The following GBP5 variants were observed in gnomAD, a reference collection of about 807,000 sequenced individuals.
The protein encoded by GBP5 is guanylate binding protein 5, also known as guanylate-binding protein 5.
In GBP5, 48 loss-of-function variants were observed where a neutral mutation model predicts 58.2. That is an observed-to-expected ratio of 0.83 (90% CI 0.65 to 1.05). The LOEUF (loss-of-function observed/expected upper bound fraction) is 1.05. GBP5 is among the 50% of genes least tolerant of loss of function. The pLI is 0.00. For missense variants in GBP5, 714 were observed against 686.8 expected, an observed-to-expected ratio of 1.04 and a Z score of -0.44; for synonymous variants, 248 against 251.8, an observed-to-expected ratio of 0.98 and a Z score of 0.14.
At chr1:89,268,638 G>GAAAATTTA in intron 4 of GBP5, 91 bp downstream of exon 4, 2 of 1,354,710 alleles carry the variant, frequency 1.5e-6, no homozygotes, top group Non-Finnish European at 1.1e-6. Context: ...TTGGTCAAGT[G>GAAAATTTA]GAACTACAAA....
chr1:89,270,026 AACTGCATT>A (rs1467645186), intron 2 of GBP5: 13 of 152,404 alleles, frequency 8.5e-5, no homozygotes, highest in African/African-American at 3.1e-4. Context: ...TGTCCAGTCA[AACTGCATT>A]ACATTAAATA....
At position 89,267,109 on chromosome 1, in the gene GBP5, G is replaced by C. The variant is rs1208216779; in HGVS notation, c.473C>G (p.Pro158Arg). 6.2e-7 allele frequency: 1 copy of C among 1,608,236 alleles called. No individual in the cohort carries two copies. The highest frequency in any genetic ancestry group is 8.5e-7 in the Non-Finnish European group (1 of 1,178,636). The change falls in exon 6 of 12, where the codon CCC becomes CGC. Residue 158 changes from proline to arginine, a missense_variant. Pro to Arg is a moderately radical substitution (Grantham distance 103). Transcript: ENST00000370459. ...LTDLLKARNSPDLDRVEDPAD... is the reference protein window; with the variant it reads ...LTDLLKARNSRDLDRVEDPAD... ...AGGATCTTCAACCCTGTCAAGGTCG[G>C]GTGAGTTTCTTGCCTTGAGCAGATC...
At chr1:89,271,840 G>A (rs1466383588) in intron 1 of GBP5, 2 of 152,188 alleles carry the variant, frequency 1.3e-5, no homozygotes, top group African/African-American at 4.8e-5. Flanking sequence ...CAATAGAGTA[G>A]TAGAAGCAGA....
At chr1:89,262,187 A>T (rs76346754) in intron 11 of GBP5, 33 bp downstream of exon 11, 275,409 of 1,601,258 alleles carry the variant, frequency 0.17, 24,988 homozygotes, top group East Asian at 0.23. Context: ...TCATCGTTAC[A>T]GGCAGGGGAG....
At chr1:89,266,865 A>G (rs1650241023) in intron 6 of GBP5, 92 bp downstream of exon 6, 1 of 830,232 alleles carries the variant, frequency 1.2e-6, no homozygotes, top group African/African-American at 1.8e-5. Flanking sequence ...ATATATATAT[A>G]TAGAAAACCA....
Position 89,260,671 on chromosome 1 carries a change from G to T in GBP5, c.*33C>A. The T allele has an allele frequency of 1.6e-6, 2 of 1,278,256 alleles. No homozygotes were observed. The highest frequency in any genetic ancestry group is 1.1e-6 in the Non-Finnish European group (1 of 876,724). 79.2% of individuals were successfully genotyped at this position (1,278,256 alleles called of 1,614,324 possible). A position where few individuals can be genotyped will look rare whatever the true frequency, so the allele number is the denominator to read the frequency against. On this transcript the variant is annotated 3_prime_UTR_variant, in exon 12 of 12. Transcript: ENST00000370459. ...TTTCTGTTGTGTCATCAGTGACAAA[G>T]AGTAAAAAAAGGAAACTCCCATATT...
chr1:89,259,180 C>T lies in GBP5; in HGVS notation c.*1524G>A, dbSNP rs1649897253. ...TTTATAAGATCTAAAGGATTATAAA[C>T]ATATTACACATAATAATTAAGTCCA... On this transcript the variant is annotated 3_prime_UTR_variant, in exon 12 of 12. Coordinates refer to ENST00000370459, the MANE Select transcript of GBP5 (RefSeq NM_052942.5). 2 of 152,186 alleles carry T rather than the reference C, an allele frequency of 1.3e-5. No individual in the cohort carries two copies. The highest frequency in any genetic ancestry group is 2.9e-5 in the Non-Finnish European group (2 of 68,006). 9.4% of individuals were successfully genotyped at this position (152,186 alleles called of 1,614,324 possible). A position where few individuals can be genotyped will look rare whatever the true frequency, so the allele number is the denominator to read the frequency against.
chr1:89,271,719 G>A (rs182873673), intron 1 of GBP5: 1 of 152,306 alleles, frequency 6.6e-6, no homozygotes, highest in Admixed American at 6.5e-5. Flanking sequence ...TGAAGTATGT[G>A]TCATGGTAAG....
chr1:89,259,212 A>T lies in GBP5; in HGVS notation c.*1492T>A, dbSNP rs1649898306. 1 of 152,194 alleles carries T rather than the reference A, an allele frequency of 6.6e-6. No individual in the cohort carries two copies. Among genetic ancestry groups the T allele is most frequent in the Admixed American group, 6.5e-5 (1 of 15,284 alleles). 9.4% of individuals were successfully genotyped at this position (152,194 alleles called of 1,614,324 possible). ...CACATAATAATTAAGTCCAATATAA[A>T]TTGTGTTCAGGTTATAAAATGCCCT... On this transcript the variant is annotated 3_prime_UTR_variant, in exon 12 of 12. Coordinates refer to ENST00000370459, the MANE Select transcript of GBP5 (RefSeq NM_052942.5).
chr1:89,260,938 T>A, intron 11 of GBP5, 121 bp from the exon 12 acceptor site: 1 of 663,746 alleles, frequency 1.5e-6, no homozygotes, highest in East Asian at 2.7e-5. Flanking sequence ...CTCTCTTCCA[T>A]TCACGTGCAT....
Position 89,260,445 on chromosome 1 carries a change from C to A in GBP5, c.*259G>T. 1 of 306,670 alleles carries A rather than the reference C, an allele frequency of 3.3e-6. No homozygotes were observed. Among genetic ancestry groups the A allele is most frequent in the Non-Finnish European group, 6.1e-6 (1 of 163,364 alleles). The allele number at this position is 306,670 out of a possible 1,614,324, so 19.0% of individuals were successfully genotyped here. The stretch of plus-strand genomic sequence containing the variant: ...CTGATGAAACCATCCCAATATCACG[C>A]ATAAATGAAGGCAGTGATACAATGT... On this transcript the variant is annotated 3_prime_UTR_variant, in exon 12 of 12. Transcript: ENST00000370459.
At chr1:89,269,327 G>C in intron 3 of GBP5, 39 bp downstream of exon 3, 1 of 1,594,950 alleles carries the variant, frequency 6.3e-7, no homozygotes, top group Non-Finnish European at 8.6e-7. Context: ...TGTGTGAATG[G>C]ACAGAAGGGT....
In GBP5 at chr1:89,258,396, A is replaced by G. The variant is rs545582582; in HGVS notation, c.*2308T>C. Among the ~76,000 whole-genome samples the G allele has an allele frequency of 1.5e-3, 231 of 152,326 alleles. No individual in the cohort carries two copies. Among genetic ancestry groups the G allele is most frequent in the African/African-American group, 5.2e-3 (217 of 41,582 alleles). ...GGAGATAGAGCTATTCTTTTTACTGATAACATTTCCTTGGATGATAAAATG... is the reference window on the plus strand; with the variant it reads ...GGAGATAGAGCTATTCTTTTTACTGGTAACATTTCCTTGGATGATAAAATG... On this transcript the variant is annotated 3_prime_UTR_variant, in exon 12 of 12. Transcript: ENST00000370459.
intron 2 of GBP5, chr1:89,270,053 T>G (rs2100599800): frequency 6.6e-6 from 1 of 152,400 alleles, no homozygotes; most frequent in East Asian, 1.9e-4. Flanking sequence ...TACTACCAAG[T>G]CATTATGCAG....
intron 2 of GBP5, 194 bp downstream of exon 2, chr1:89,270,561 C>T (rs979736550): frequency 1.3e-5 from 2 of 152,130 alleles, no homozygotes; most frequent in Non-Finnish European, 2.9e-5. Context: ...ATTATGTTGA[C>T]ATAAATTAAA....
Position 89,266,308 on chromosome 1 carries a change from A to C in GBP5, c.868+38T>G, listed in dbSNP as rs1467326331. 3 of 1,567,976 alleles carry C rather than the reference A, an allele frequency of 1.9e-6. No individual in the cohort carries two copies. The Admixed American group carries it at 5.1e-5, about 27-fold the overall frequency. Reference sequence around the variant, plus strand: ...TTATAAAAAGTGTCCCTTATAGTTTACATTAAATTGAAGGAAAATCCTAAA... The same window carrying C: ...TTATAAAAAGTGTCCCTTATAGTTTCCATTAAATTGAAGGAAAATCCTAAA... On this transcript the variant is annotated intron_variant, in intron 7 of 11. Coordinates refer to ENST00000370459, the MANE Select transcript of GBP5 (RefSeq NM_052942.5).
At position 89,258,181 on chromosome 1, in the gene GBP5, C is replaced by G. The variant is rs971797895; in HGVS notation, c.*2523G>C. Among the ~76,000 whole-genome samples, 2 of 152,136 alleles carry G rather than the reference C, an allele frequency of 1.3e-5. No homozygotes were observed. Among genetic ancestry groups the G allele is most frequent in the African/African-American group, 4.8e-5 (2 of 41,418 alleles). ...ATCTGTGGATCACTAATGAAAGCAG[C>G]ATGCCTCTCTGGTTTTTGGTGGGGG... On this transcript the variant is annotated 3_prime_UTR_variant, in exon 12 of 12. Transcript: ENST00000370459.
rs369337718 is a variant in GBP5 at position 89,261,400 on chromosome 1, T to C, written c.1648-583A>G. ...GGCAAGCCAAGGGGAAGAATTAGGATGTCATTTGTCTCATTAGGGTGCTGA... is the reference window on the plus strand; with the variant it reads ...GGCAAGCCAAGGGGAAGAATTAGGACGTCATTTGTCTCATTAGGGTGCTGA... On this transcript the variant is annotated intron_variant, in intron 11 of 11. Coordinates refer to ENST00000370459, the MANE Select transcript of GBP5 (RefSeq NM_052942.5). Among the ~76,000 whole-genome samples, 200 of 152,332 alleles carry C rather than the reference T, an allele frequency of 1.3e-3. 1 individual carries two copies. Among genetic ancestry groups the C allele is most frequent in the African/African-American group, 4.7e-3 (195 of 41,576 alleles).
Position 89,269,419 on chromosome 1 carries a change from A to T in GBP5, c.137T>A (p.Leu46His). 1 of 1,614,122 alleles carries T rather than the reference A, an allele frequency of 6.2e-7. No individual in the cohort carries two copies. Reference protein sequence around the residue: ...QPVVVVAIVGLYRTGKSYLMN... With the variant: ...QPVVVVAIVGHYRTGKSYLMN... Reference sequence around the variant, plus strand: ...CAGGTAGGATTTGCCAGTGCGATAGAGGCCCACAATCGCTACCACAACTAC... The same window carrying T: ...CAGGTAGGATTTGCCAGTGCGATAGTGGCCCACAATCGCTACCACAACTAC... Residue 46 changes from leucine (L) to histidine (H), a missense_variant, in exon 3 of 12, where the codon CTC (leucine) becomes CAC (histidine). Physicochemically the swap from Leu to His is moderately conservative, Grantham distance 99. Coordinates refer to ENST00000370459, the MANE Select transcript of GBP5 (RefSeq NM_052942.5).
Sources: allele counts gnomAD v4.1 joint callset (sites outside exome capture counted in the v4.1 genomes callset), GRCh38; gene constraint gnomAD v4.1.1; transcripts MANE v1.5; gene names NCBI Gene and HGNC (gene_info 2026-07-23, HGNC 2026-07-21).